TLE1: variants seen among roughly 807,000 people sequenced by gnomAD.
TLE1 encodes TLE family member 1, transcriptional corepressor.
TLE1 carries 21 observed loss-of-function variants against 89.8 expected under a neutral mutation model. The observed-to-expected ratio is 0.23, with a 90% confidence interval of 0.17 to 0.34. The LOEUF (loss-of-function observed/expected upper bound fraction) is 0.34. Ranked by LOEUF, TLE1 falls within the 10% of genes least tolerant of loss-of-function variation. TLE1 has a pLI of 1.00. For missense variants in TLE1, 795 were observed against 1,031.2 expected, an observed-to-expected ratio of 0.77 and a Z score of 3.14; for synonymous variants, 447 against 407.6, an observed-to-expected ratio of 1.10 and a Z score of -1.16.
chr9:81,675,206 G>C (rs1832725327), intron 4 of TLE1, among the ~76,000 whole-genome samples: 1 of 152,108 alleles, frequency 6.6e-6, no homozygotes, highest in African/African-American at 2.4e-5. Context: ...TTAATTTATA[G>C]ACTCCAGGTA....
At chr9:81,639,595 T>G (rs1209861206) in intron 6 of TLE1, among the ~76,000 whole-genome samples, 1 of 148,634 alleles carries the variant, frequency 6.7e-6, no homozygotes. Flanking sequence ...TTTGTTTTTT[T>G]TTTTTTTGAG....
At chr9:81,664,996 C>G (rs1831279061) in intron 4 of TLE1, among the ~76,000 whole-genome samples, 1 of 152,190 alleles carries the variant, frequency 6.6e-6, no homozygotes, top group Non-Finnish European at 1.5e-5. Context: ...GCTCTGACAC[C>G]CTCTCTCTAA....
intron 6 of TLE1, 48 bp from the exon 7 acceptor site, chr9:81,634,349 A>T: frequency 7.2e-7 from 1 of 1,397,418 alleles, no homozygotes; most frequent in Non-Finnish European, 9.5e-7. Context: ...AGGAGGAGGT[A>T]GTGGTGACAG....
rs756362994 is a variant in TLE1 at position 81,593,180 on chromosome 9, G to A, written c.1426C>T (p.Arg476Cys). 2 of 1,614,014 alleles carry A rather than the reference G, an allele frequency of 1.2e-6. No individual in the cohort carries two copies. Among genetic ancestry groups the A allele is most frequent in the Non-Finnish European group, 1.7e-6 (2 of 1,180,016 alleles). The change falls in exon 15 of 20, where the codon CGC (arginine) becomes TGC (cysteine). Residue 476 changes from arginine to cysteine, a missense_variant. Coordinates refer to ENST00000376499, the MANE Select transcript of TLE1 (RefSeq NM_005077.5). ...CCGTGGTTGAGGGTGTTGATCTGGC[G>A]AGCATGCCGGGGGATTCCGGGTCCG... The part of the protein sequence containing the change: ...LIGPGIPRHA[R>C]QINTLNHGEV...
At chr9:81,619,351 G>C (rs1023381684) in intron 9 of TLE1, among the ~76,000 whole-genome samples, 2 of 152,176 alleles carry the variant, frequency 1.3e-5, no homozygotes, top group African/African-American at 4.8e-5. Flanking sequence ...AGGTGGGTTT[G>C]CACATCTTAG....
intron 4 of TLE1, among the ~76,000 whole-genome samples, chr9:81,683,798 A>G (rs2133149261): frequency 6.6e-6 from 1 of 152,246 alleles, no homozygotes. Flanking sequence ...ATACAGGCTC[A>G]CGGACAGACA....
chr9:81,602,157 G>C (rs1388660802), intron 14 of TLE1, among the ~76,000 whole-genome samples: 1 of 152,170 alleles, frequency 6.6e-6, no homozygotes, highest in Non-Finnish European at 1.5e-5. Context: ...CCAGTGAGAA[G>C]GGAAGCTGCT....
chr9:81,629,444 C>A (rs931444641), intron 8 of TLE1, among the ~76,000 whole-genome samples: 3 of 152,196 alleles, frequency 2.0e-5, no homozygotes, highest in African/African-American at 7.2e-5. Context: ...TTTAAAACAG[C>A]CAAAATAATT....
intron 4 of TLE1, among the ~76,000 whole-genome samples, chr9:81,659,894 G>A (rs939390800): frequency 6.6e-6 from 1 of 152,038 alleles, no homozygotes; most frequent in Non-Finnish European, 1.5e-5. Flanking sequence ...GTACAAATAT[G>A]AGAGATCTTC....
intron 14 of TLE1, among the ~76,000 whole-genome samples, chr9:81,609,907 G>A (rs1320483121): frequency 6.6e-6 from 1 of 152,214 alleles, no homozygotes; most frequent in Non-Finnish European, 1.5e-5. Flanking sequence ...CCAAATGGCA[G>A]AGCAGAGCAG....
intron 2 of TLE1, 151 bp from the exon 3 acceptor site, chr9:81,686,047 T>G (rs1335579299): frequency 1.4e-6 from 1 of 733,314 alleles, no homozygotes; most frequent in Non-Finnish European, 2.3e-6. Flanking sequence ...GTCCTTGCAT[T>G]TAATAGGGAA....
intron 4 of TLE1, among the ~76,000 whole-genome samples, chr9:81,678,569 C>T (rs1205775253): frequency 1.3e-5 from 2 of 151,986 alleles, no homozygotes; most frequent in African/African-American, 4.8e-5. Flanking sequence ...AATTCCAGCA[C>T]TTTGGGAGGC....
At chr9:81,639,731 G>T (rs1350183588) in intron 6 of TLE1, among the ~76,000 whole-genome samples, 1 of 151,570 alleles carries the variant, frequency 6.6e-6, no homozygotes, top group Non-Finnish European at 1.5e-5. Context: ...TTACAGGTGA[G>T]CACCACCACA....
In TLE1 at chr9:81,613,471, C is replaced by T; in HGVS notation, c.969G>A (p.Arg323=). Residue 323 remains arginine, a synonymous_variant, in exon 12 of 20, where the codon CGG becomes CGA. Transcript: ENST00000376499. Reference sequence around the variant, plus strand: ...TGGTGCCCGGCGTTGGCATGTCGCTCCGAGGCGTTGGTGTGCTGGATTTCA... The same window carrying T: ...TGGTGCCCGGCGTTGGCATGTCGCTTCGAGGCGTTGGTGTGCTGGATTTCA... The part of the protein sequence containing the change: ...PVLKSSTPTP[R]SDMPTPGTSA... The T allele has an allele frequency of 6.2e-7, 1 of 1,614,198 alleles. No individual in the cohort carries two copies. Among genetic ancestry groups the T allele is most frequent in the South Asian group, 1.1e-5 (1 of 91,086 alleles).
intron 14 of TLE1, 117 bp from the exon 15 acceptor site, chr9:81,593,391 A>G (rs1263636905): frequency 5.2e-6 from 7 of 1,345,140 alleles, no homozygotes; most frequent in South Asian, 3.2e-5. Context: ...ATTCTCTTGT[A>G]TAGTTTCCTT....
chr9:81,654,900 T>C (rs1415262359), intron 4 of TLE1, among the ~76,000 whole-genome samples: 1 of 152,160 alleles, frequency 6.6e-6, no homozygotes, highest in Non-Finnish European at 1.5e-5. Flanking sequence ...CAAGAAAACA[T>C]GACTAAAAAC....
At position 81,661,793 on chromosome 9, in the gene TLE1, G is replaced by A. The variant is rs951700897; in HGVS notation, c.235-7757C>T. 8.6e-5 allele frequency among the ~76,000 whole-genome samples: 13 copies of A among 151,824 alleles called. No individual in the cohort carries two copies. The South Asian group carries it at 2.5e-3, about 29-fold the overall frequency. ...AAAAAATGTACACAGAAACCTCACC[G>A]GCAACCAAACAAAAATGTAAATTTT... On this transcript the variant is annotated intron_variant, in intron 4 of 19. Transcript: ENST00000376499.
rs61733323 is a variant in TLE1 at position 81,613,389 on chromosome 9, C to G, written c.1051G>C (p.Val351Leu). ...GGCGATGCTGTACCCGCTTGGTTAA[C>G]GAGGGGGTCTATGGCTGGAGGCTTG... ...LGKPPAIDPL[V>L]NQAAAGLRTP... Residue 351 changes from valine to leucine, a missense_variant, in exon 12 of 20, where the codon GTT (valine) becomes CTT (leucine). Val to Leu is a conservative substitution (Grantham distance 32). This residue lies in a region of TLE1 where 468 missense variants were observed against 509.1 expected (regional missense o/e 0.92). Coordinates refer to ENST00000376499, the MANE Select transcript of TLE1 (RefSeq NM_005077.5). 1 of 1,613,914 alleles carries G rather than the reference C, an allele frequency of 6.2e-7. No individual in the cohort carries two copies. The highest frequency in any genetic ancestry group is 8.5e-7 in the Non-Finnish European group (1 of 1,179,914).
intron 14 of TLE1, among the ~76,000 whole-genome samples, chr9:81,596,707 T>C (rs761276934): frequency 6.6e-6 from 1 of 152,220 alleles, no homozygotes; most frequent in Non-Finnish European, 1.5e-5. Context: ...ACCGCATTTC[T>C]AGAATTTCGA....
Sources: gnomAD v4.1 joint callset for allele counts (sites outside exome capture counted in the v4.1 genomes callset) on GRCh38, gnomAD v4.1.1 for gene constraint, gnomAD v4.1.1 regional missense constraint, MANE v1.5 for transcripts, NCBI Gene and HGNC (gene_info 2026-07-23, HGNC 2026-07-21) for gene names.